FAM193A: variants seen among roughly 807,000 people sequenced by gnomAD.
FAM193A encodes protein FAM193A.
In FAM193A, 22 loss-of-function variants were observed where a neutral mutation model predicts 126.5. That is an observed-to-expected ratio of 0.17 (90% CI 0.12 to 0.25). The LOEUF is 0.25. Ranked by LOEUF, FAM193A falls within the 10% of genes least tolerant of loss-of-function variation. The pLI is 1.00. For synonymous variants in FAM193A, 761 were observed against 646.8 expected (o/e 1.18, Z -2.68); for missense variants, 1,675 against 1,672.8 (o/e 1.00, Z -0.02).
intron 15 of FAM193A, 30 bp downstream of exon 15, chr4:2,691,000 G>A (rs769721653): frequency 1.3e-6 from 2 of 1,586,272 alleles, no homozygotes; most frequent in East Asian, 2.2e-5. Context: ...TGGCCCTCGG[G>A]GTCTGCAGGA....
chr4:2,552,852 T>C (rs1301566307), intron 1 of FAM193A, among the ~76,000 whole-genome samples: 26 of 148,696 alleles, frequency 1.7e-4, no homozygotes, highest in Admixed American at 1.0e-3. Context: ...ACTTTCTTTT[T>C]TTTTTTTTTT....
intron 12 of FAM193A, among the ~76,000 whole-genome samples, chr4:2,670,676 G>T (rs113226803): frequency 0.047 from 7,101 of 152,056 alleles, 526 homozygotes; most frequent in African/African-American, 0.15. Context: ...CCCAGACTAG[G>T]CTTGAACTCT....
intron 1 of FAM193A, among the ~76,000 whole-genome samples, chr4:2,583,554 T>G (rs1389728212): frequency 6.6e-6 from 1 of 152,204 alleles, no homozygotes; most frequent in Non-Finnish European, 1.5e-5. Context: ...CTGTCTTTGC[T>G]TCTTCGGGCT....
chr4:2,662,018 C>T (rs1326572215), intron 10 of FAM193A, among the ~76,000 whole-genome samples: 1 of 151,982 alleles, frequency 6.6e-6, no homozygotes, highest in African/African-American at 2.4e-5. Flanking sequence ...CCCATCTCTA[C>T]TAAAAATACA....
chr4:2,655,897 C>T (rs1051028015), intron 7 of FAM193A, among the ~76,000 whole-genome samples: 30 of 152,220 alleles, frequency 2.0e-4, no homozygotes, highest in African/African-American at 6.0e-4. Context: ...CCACTGTAGT[C>T]CAGCCTTGGT....
chr4:2,667,069 G>A (rs927520276), intron 12 of FAM193A, among the ~76,000 whole-genome samples: 1 of 152,158 alleles, frequency 6.6e-6, no homozygotes, highest in African/African-American at 2.4e-5. Flanking sequence ...ATTGAGACTT[G>A]TTGATGGCCT....
At chr4:2,685,189 A>G (rs1577202649) in intron 13 of FAM193A, among the ~76,000 whole-genome samples, 1 of 152,224 alleles carries the variant, frequency 6.6e-6, no homozygotes, top group East Asian at 1.9e-4. Flanking sequence ...TCAGGAGTTC[A>G]GTGTATCAAG....
intron 1 of FAM193A, among the ~76,000 whole-genome samples, chr4:2,565,060 A>G (rs1045188588): frequency 6.6e-6 from 1 of 151,912 alleles, no homozygotes; most frequent in South Asian, 2.1e-4. Flanking sequence ...TGGCCTCCCA[A>G]AGTACTGGGG....
intron 1 of FAM193A, among the ~76,000 whole-genome samples, chr4:2,576,125 C>T (rs1739571381): frequency 6.6e-6 from 1 of 152,050 alleles, no homozygotes; most frequent in African/African-American, 2.4e-5. Context: ...GAGATGGAGT[C>T]CCACATTGTC....
At chr4:2,590,470 AAAAAACAAAAAAAAACAAAAAAAAAC>A (rs1740475106) in intron 1 of FAM193A, among the ~76,000 whole-genome samples, 1 of 87,532 alleles carries the variant, frequency 1.1e-5, no homozygotes, top group African/African-American at 7.4e-5. Flanking sequence ...TCTCAAAAAA[AAAAAACAAAAAAAAACAAAAAAAAAC>A]AAAAAAAAAC....
intron 1 of FAM193A, among the ~76,000 whole-genome samples, chr4:2,587,199 G>C (rs1740283879): frequency 6.6e-6 from 1 of 152,120 alleles, no homozygotes; most frequent in Admixed American, 6.5e-5. Flanking sequence ...TTCCACTTAC[G>C]GCACAAGGTG....
At chr4:2,645,754 C>T (rs866242182) in intron 6 of FAM193A, among the ~76,000 whole-genome samples, 3 of 152,124 alleles carry the variant, frequency 2.0e-5, no homozygotes, top group Middle Eastern at 3.4e-3. Flanking sequence ...CTTGAACTCC[C>T]GACCTCAGGT....
chr4:2,732,022 C>A lies in FAM193A; in HGVS notation c.*154C>A. On this transcript the variant is annotated 3_prime_UTR_variant, in exon 21 of 21. Coordinates refer to ENST00000637812, the MANE Select transcript of FAM193A (RefSeq NM_001366318.2). ...AACCCCAGACCGAGAAGTTGATGCT[C>A]GGCCCACGCCGTTAGCTCGTGTGCG... The A allele has an allele frequency of 1.5e-6, 1 of 672,206 alleles. No individual in the cohort carries two copies. Among genetic ancestry groups the A allele is most frequent in the South Asian group, 1.6e-5 (1 of 60,744 alleles). The allele number at this position is 672,206 out of a possible 1,614,324, so 41.6% of individuals were successfully genotyped here. A position where few individuals can be genotyped will look rare whatever the true frequency, so the allele number is the denominator to read the frequency against.
At chr4:2,720,639 ACT>A (rs750642294) in intron 20 of FAM193A, among the ~76,000 whole-genome samples, 46 of 144,982 alleles carry the variant, frequency 3.2e-4, no homozygotes, top group Non-Finnish European at 5.7e-4. Flanking sequence ...CAACAGTGAG[ACT>A]CTGTCTAAAA....
intron 2 of FAM193A, among the ~76,000 whole-genome samples, chr4:2,604,791 C>CTTTTT (rs869148370): frequency 2.0e-4 from 20 of 99,628 alleles, no homozygotes; most frequent in African/African-American, 3.1e-4. Context: ...TTTCTTTTTC[C>CTTTTT]TTTTTTTTTT....
At chr4:2,595,389 T>A (rs1577053420) in intron 1 of FAM193A, among the ~76,000 whole-genome samples, 1 of 152,358 alleles carries the variant, frequency 6.6e-6, no homozygotes, top group East Asian at 1.9e-4. Context: ...AAGGCTAATT[T>A]TATTTTTTTT....
rs570765010 is a variant in FAM193A at position 2,626,419 on chromosome 4, G to A, written c.645G>A (p.Ser215=). ...CTGTGTTGTCTCACAGAGAAATTTC[G>A]GCAGAGGCGGACCGGGAACCTCAGC... ...CEACSERREI[S]AEADREPQQL... Residue 215 remains serine, a synonymous_variant, in exon 4 of 21, where the codon TCG becomes TCA. Transcript: ENST00000637812. The A allele has an allele frequency of 2.0e-4, 139 of 699,028 alleles. 1 individual carries two copies. The highest frequency in any genetic ancestry group is 5.6e-4 in the Admixed American group (28 of 49,948). The allele number at this position is 699,028 out of a possible 1,614,324, so 43.3% of individuals were successfully genotyped here. A position where few individuals can be genotyped will look rare whatever the true frequency, so the allele number is the denominator to read the frequency against.
In FAM193A at chr4:2,690,871, G is replaced by A. The variant is rs775700868; in HGVS notation, c.2704G>A (p.Ala902Thr). The change falls in exon 15 of 21, where the codon GCC becomes ACC. Residue 902 changes from alanine to threonine, a missense_variant. Physicochemically the swap from Ala to Thr is moderately conservative, Grantham distance 58. Around this residue, in one of 4 missense-constraint regions of FAM193A, gnomAD observed 1,186 missense variants for 1,109.2 expected, o/e 1.07. Transcript: ENST00000637812. ...AFMEANKVVM[A>T]TSSATSSVSC... ...CATGGAAGCAAATAAAGTTGTCATG[G>A]CCACGTCATCAGCCACGTCCTCTGT... 1.9e-6 allele frequency: 3 copies of A among 1,614,114 alleles called. No individual in the cohort carries two copies. The highest frequency in any genetic ancestry group is 4.5e-5 in the East Asian group (2 of 44,890).
intron 2 of FAM193A, among the ~76,000 whole-genome samples, chr4:2,624,441 G>A (rs949940801): frequency 6.6e-6 from 1 of 152,188 alleles, no homozygotes; most frequent in Admixed American, 6.5e-5. Flanking sequence ...ACTGCCCCCG[G>A]CCAAGTGTTC....
Sources: gnomAD v4.1 joint callset for allele counts (sites outside exome capture counted in the v4.1 genomes callset) on GRCh38, gnomAD v4.1.1 for gene constraint, gnomAD v4.1.1 regional missense constraint, MANE v1.5 for transcripts, NCBI Gene and HGNC (gene_info 2026-07-23, HGNC 2026-07-21) for gene names.